The following SNX4 variants were observed in gnomAD, a reference collection of about 807,000 sequenced individuals.
SNX4 encodes the protein sorting nexin-4.
A neutral mutation model predicts 70.8 loss-of-function variants in SNX4; 49 were observed. The observed-to-expected ratio is 0.69, with a 90% CI of 0.55 to 0.88. SNX4 has a LOEUF of 0.88. SNX4 is among the 40% of genes least tolerant of loss of function. SNX4 has a pLI of 0.00. For synonymous variants in SNX4, 206 were observed against 183.8 expected (o/e 1.12, Z -0.98); for missense variants, 528 against 544.8 (o/e 0.97, Z 0.31).
chr3:125,455,161 C>G (rs1933679309), intron 11 of SNX4, among the ~76,000 whole-genome samples: 1 of 152,096 alleles, frequency 6.6e-6, no homozygotes, highest in African/African-American at 2.4e-5. Context: ...AATTCCTGGG[C>G]TCAAGCAATT....
At chr3:125,500,187 A>G (rs1934895628) in intron 2 of SNX4, among the ~76,000 whole-genome samples, 1 of 152,112 alleles carries the variant, frequency 6.6e-6, no homozygotes, top group Non-Finnish European at 1.5e-5. Flanking sequence ...TTATCTAATC[A>G]CTCAACAACT....
intron 2 of SNX4, among the ~76,000 whole-genome samples, chr3:125,499,603 T>C (rs1934880130): frequency 6.6e-6 from 1 of 152,048 alleles, no homozygotes; most frequent in African/African-American, 2.4e-5. Context: ...ACTATCCCAA[T>C]TACAATGCCC....
intron 9 of SNX4, among the ~76,000 whole-genome samples, chr3:125,461,216 ACT>A (rs1387085026): frequency 1.3e-5 from 2 of 152,106 alleles, no homozygotes; most frequent in Non-Finnish European, 2.9e-5. Context: ...ACACAGCAAG[ACT>A]CTGTCTCAAA....
At position 125,495,275 on chromosome 3, in the gene SNX4, T is replaced by TATATATATACAC; in HGVS notation, c.597+2065_597+2066insGTGTATATATAT. Among the ~76,000 whole-genome samples the TATATATATACAC allele has an allele frequency of 1.7e-3, 144 of 83,046 alleles. 1 individual carries two copies. Among genetic ancestry groups the TATATATATACAC allele is most frequent in the Middle Eastern group, 6.7e-3 (1 of 150 alleles). 54.5% of individuals were successfully genotyped at this position (83,046 alleles called of 152,430 possible). A position where few individuals can be genotyped will look rare whatever the true frequency, so the allele number is the denominator to read the frequency against. The stretch of plus-strand genomic sequence containing the variant: ...TTATATATATATATATATATATATA[T>TATATATATACAC]ATACACATACACACACACACACGTA... On this transcript the variant is annotated intron_variant, in intron 5 of 13. Transcript: ENST00000251775.
At chr3:125,466,725 G>A (rs1312614828) in intron 9 of SNX4, among the ~76,000 whole-genome samples, 1 of 152,146 alleles carries the variant, frequency 6.6e-6, no homozygotes, top group Non-Finnish European at 1.5e-5. Flanking sequence ...TGGGGAGGAG[G>A]AGGCTGCAGT....
At chr3:125,470,645 A>C (rs568805363) in intron 8 of SNX4, among the ~76,000 whole-genome samples, 15 of 152,058 alleles carry the variant, frequency 9.9e-5, no homozygotes, top group Non-Finnish European at 2.1e-4. Context: ...AAAAAAAAGA[A>C]AAGACTCCAA....
At chr3:125,460,246 C>CT (rs1211007713) in intron 10 of SNX4, among the ~76,000 whole-genome samples, 1 of 151,232 alleles carries the variant, frequency 6.6e-6, no homozygotes, top group Non-Finnish European at 1.5e-5. Flanking sequence ...CAAAAGCCAC[C>CT]TATTCTGGGA....
At position 125,497,079 on chromosome 3, in the gene SNX4, TAA is replaced by T. The variant is rs869287911; in HGVS notation, c.597+260_597+261del. ...CTGCTTCATTACTATAAACACTAAC[TAA>T]AAAAAAAAAAAAAAAATTCACTGTT... On this transcript the variant is annotated intron_variant, in intron 5 of 13. Transcript: ENST00000251775. Among the ~76,000 whole-genome samples the T allele has an allele frequency of 8.4e-3, 1,038 of 124,036 alleles. 7 individuals are homozygous for T. The highest frequency in any genetic ancestry group is 0.024 in the African/African-American group (824 of 33,806). 81.4% of individuals were successfully genotyped at this position (124,036 alleles called of 152,430 possible). A position where few individuals can be genotyped will look rare whatever the true frequency, so the allele number is the denominator to read the frequency against.
At chr3:125,455,005 T>G (rs560782724) in intron 11 of SNX4, among the ~76,000 whole-genome samples, 79 of 152,214 alleles carry the variant, frequency 5.2e-4, no homozygotes, top group African/African-American at 1.7e-3. Flanking sequence ...CATGGCTCAC[T>G]GCAGCCTCAA....
intron 5 of SNX4, among the ~76,000 whole-genome samples, chr3:125,496,653 G>A (rs556937464): frequency 6.6e-6 from 1 of 152,046 alleles, no homozygotes; most frequent in African/African-American, 2.4e-5. Flanking sequence ...TTCTTTTAGG[G>A]AAGAAATAAA....
chr3:125,517,607 C>T (rs140185795), intron 1 of SNX4, among the ~76,000 whole-genome samples: 38 of 152,304 alleles, frequency 2.5e-4, no homozygotes, highest in South Asian at 4.1e-4. Flanking sequence ...TTTGTTTAAA[C>T]ACCTAGTAAT....
chr3:125,490,936 G>A (rs576240729), intron 5 of SNX4, among the ~76,000 whole-genome samples: 3 of 151,894 alleles, frequency 2.0e-5, no homozygotes, highest in Non-Finnish European at 4.4e-5. Context: ...TACAACTTCC[G>A]AACCATAATT....
chr3:125,452,136 C>T (rs966987564), intron 12 of SNX4, among the ~76,000 whole-genome samples: 7 of 151,222 alleles, frequency 4.6e-5, no homozygotes, highest in East Asian at 3.9e-4. Flanking sequence ...GACCAAGTCT[C>T]GCTCTGTAGC....
chr3:125,487,758 CAA>C (rs575024712), intron 6 of SNX4, among the ~76,000 whole-genome samples: 1 of 117,608 alleles, frequency 8.5e-6, no homozygotes. Context: ...TGTGACATTC[CAA>C]AAAAAAAAAA....
At chr3:125,519,967 CA>C in intron 1 of SNX4, 64 bp downstream of exon 1, 12 of 1,391,032 alleles carry the variant, frequency 8.6e-6, no homozygotes, top group East Asian at 3.1e-5. Context: ...CAGCCCAGCC[CA>C]GCCCAGCCCG....
At chr3:125,448,689 T>TC (rs1362210948) in intron 13 of SNX4, among the ~76,000 whole-genome samples, 1 of 143,034 alleles carries the variant, frequency 7.0e-6, no homozygotes, top group Non-Finnish European at 1.5e-5. Context: ...TTTTTTTTTT[T>TC]TTTTGAGACA....
chr3:125,460,994 G>T, intron 9 of SNX4, 134 bp from the exon 10 acceptor site: 1 of 367,040 alleles, frequency 2.7e-6, no homozygotes. Flanking sequence ...GGGAGGCCAA[G>T]AAGGGCAGAT....
chr3:125,510,814 A>G (rs1935154823), intron 1 of SNX4, among the ~76,000 whole-genome samples: 1 of 152,236 alleles, frequency 6.6e-6, no homozygotes, highest in Non-Finnish European at 1.5e-5. Flanking sequence ...GCTCTGCAAG[A>G]TGAAAAGAGT....
Position 125,504,829 on chromosome 3 carries a change from C to T in SNX4, c.142-85G>A, listed in dbSNP as rs1428521546. 2.8e-6 allele frequency: 4 copies of T among 1,439,018 alleles called. No homozygotes were observed. In the African/African-American group the frequency reaches 5.8e-5, roughly 21 times the overall value. The allele number at this position is 1,439,018 out of a possible 1,614,324, so 89.1% of individuals were successfully genotyped here. ...AAGCCTCAGCTATATAAATTAAACC[C>T]ATTATTGGGTTTATATATTTCAAAA... On this transcript the variant is annotated intron_variant, in intron 1 of 13. Coordinates refer to ENST00000251775, the MANE Select transcript of SNX4 (RefSeq NM_003794.4).
Sources: gnomAD v4.1 joint callset for allele counts (sites outside exome capture counted in the v4.1 genomes callset) on GRCh38, gnomAD v4.1.1 for gene constraint, MANE v1.5 for transcripts, NCBI Gene and HGNC (gene_info 2026-07-23, HGNC 2026-07-21) for gene names.